DROSHA: variants seen among roughly 807,000 people sequenced by gnomAD.
The protein encoded by DROSHA is drosha ribonuclease III.
A neutral mutation model predicts 181.9 loss-of-function variants in DROSHA; 56 were observed. The ratio of observed to expected loss-of-function variants is 0.31; its 90% CI spans 0.25 to 0.38. DROSHA has a LOEUF of 0.38. DROSHA is among the 10% of genes least tolerant of loss of function. The pLI, the probability that DROSHA is intolerant of heterozygous loss-of-function variation, is 1.00. For synonymous variants in DROSHA, 524 were observed against 591.2 expected (o/e 0.89, Z 1.65); for missense variants, 1,218 against 1,743.5 (o/e 0.70, Z 5.37).
chr5:31,492,320 A>G (rs536171440), intron 13 of DROSHA, among the ~76,000 whole-genome samples: 2 of 152,362 alleles, frequency 1.3e-5, no homozygotes, highest in African/African-American at 4.8e-5. Context: ...GAAAAAAAGA[A>G]TGACAAAAAG....
chr5:31,472,898 A>T (rs150768559), intron 16 of DROSHA, among the ~76,000 whole-genome samples: 95 of 152,380 alleles, frequency 6.2e-4, no homozygotes, highest in African/African-American at 2.2e-3. Context: ...GCATCATTCA[A>T]GTACCTTGGA....
intron 27 of DROSHA, among the ~76,000 whole-genome samples, chr5:31,426,656 A>T (rs1317041664): frequency 6.6e-6 from 1 of 152,184 alleles, no homozygotes; most frequent in Non-Finnish European, 1.5e-5. Context: ...ACATAGGCAC[A>T]AAAAGGTGAT....
intron 28 of DROSHA, among the ~76,000 whole-genome samples, chr5:31,423,885 G>A (rs1743103630): frequency 6.6e-6 from 1 of 152,238 alleles, no homozygotes; most frequent in South Asian, 2.1e-4. Flanking sequence ...ACCATATGTA[G>A]AGCTTTTAAA....
rs1213857959 is a variant in DROSHA at position 31,409,180 on chromosome 5, T to C, written c.3751-21A>G. 6.2e-7 allele frequency: 1 copy of C among 1,612,344 alleles called. No homozygotes were observed. ...AACTCCTGTGGAAGTCCCCCAAAAC[T>C]ATTTAGTAATGGGTTCTGGAATCAC... is the stretch of plus-strand genomic sequence containing the variant. On this transcript the variant is annotated intron_variant, in intron 32 of 35. Transcript: ENST00000344624. The surrounding 1 kb of genome is among the most constrained non-coding windows in gnomAD (Gnocchi z 4.0).
At chr5:31,509,069 C>A (rs1043256599) in intron 9 of DROSHA, among the ~76,000 whole-genome samples, 1 of 152,014 alleles carries the variant, frequency 6.6e-6, no homozygotes, top group Non-Finnish European at 1.5e-5. Flanking sequence ...GTGAAACACC[C>A]GTCTCGGCCT....
intron 11 of DROSHA, among the ~76,000 whole-genome samples, chr5:31,502,904 C>G (rs940454863): frequency 6.6e-6 from 1 of 152,092 alleles, no homozygotes; most frequent in East Asian, 1.9e-4. Context: ...GAGAAGTGGC[C>G]TGAAGTTAGA....
At chr5:31,490,057 G>A (rs1752219834) in intron 13 of DROSHA, among the ~76,000 whole-genome samples, 1 of 151,696 alleles carries the variant, frequency 6.6e-6, no homozygotes, top group South Asian at 2.1e-4. Flanking sequence ...TGTATTTTTG[G>A]TAGAGACAGG....
rs150386919 is a variant in DROSHA at position 31,422,436 on chromosome 5, G to A, written c.3419+351C>T. On this transcript the variant is annotated intron_variant, in intron 29 of 35. Transcript: ENST00000344624. ...CATGTTCACTCATTTGCATTTCATC[G>A]ATGGCTGCTTTGATGCTACTATGGC... 4.7e-4 allele frequency among the ~76,000 whole-genome samples: 71 copies of A among 152,240 alleles called. No individual in the cohort carries two copies. The East Asian group carries it at 0.01, about 22-fold the overall frequency.
At chr5:31,436,716 G>A (rs1363880307) in intron 24 of DROSHA, among the ~76,000 whole-genome samples, 3 of 142,372 alleles carry the variant, frequency 2.1e-5, no homozygotes, top group African/African-American at 7.8e-5. Context: ...TTCAAATTAA[G>A]GATCCTAAAA....
rs1742923387 is a variant in DROSHA, at chr5:31,422,790, G to C, written c.3416C>G (p.Thr1139Ser). The C allele has an allele frequency of 6.2e-7, 1 of 1,613,590 alleles. No individual in the cohort carries two copies. Among genetic ancestry groups the C allele is most frequent in the Non-Finnish European group, 8.5e-7 (1 of 1,179,694 alleles). The change falls in exon 29 of 36, where the codon ACC (threonine) becomes AGC (serine). Residue 1139 changes from threonine to serine, a missense_variant. Physicochemically the swap from Thr to Ser is moderately conservative, Grantham distance 58 (BLOSUM62 1). This residue lies in a region of DROSHA where 23 missense variants were observed against 90.6 expected (regional missense o/e 0.25). Transcript: ENST00000344624. ...TACATGAGAACTTTTAACTCACAGG[G>C]TCAGATGGTTAAATCCCACAGTTCT... ...TLRTVGFNHL[T>S]LGHNQRMEFL...
chr5:31,431,708 A>G (rs769261481), intron 25 of DROSHA, 30 bp from the exon 26 acceptor site: 1 of 1,611,812 alleles, frequency 6.2e-7, no homozygotes, highest in South Asian at 1.1e-5. Flanking sequence ...AAAACGTAAG[A>G]AAGAGTTTGC....
intron 11 of DROSHA, among the ~76,000 whole-genome samples, chr5:31,503,792 C>G (rs1444101831): frequency 6.6e-6 from 1 of 152,224 alleles, no homozygotes; most frequent in Non-Finnish European, 1.5e-5. Flanking sequence ...CCTCGCTACA[C>G]TTGCCAACTT....
chr5:31,465,363 A>G (rs1178146831), intron 19 of DROSHA, among the ~76,000 whole-genome samples: 2 of 152,244 alleles, frequency 1.3e-5, no homozygotes, highest in African/African-American at 4.8e-5. Flanking sequence ...ATGAAACCTT[A>G]CAAAATAAGT....
chr5:31,424,394 A>C (rs1274798174), intron 28 of DROSHA, 33 bp downstream of exon 28: 3 of 1,587,838 alleles, frequency 1.9e-6, no homozygotes, highest in African/African-American at 2.7e-5. Context: ...CTGGAGTTAT[A>C]AAGCTCACTG....
intron 13 of DROSHA, 54 bp from the exon 14 acceptor site, chr5:31,486,616 A>G: frequency 1.3e-6 from 2 of 1,532,546 alleles, no homozygotes; most frequent in Non-Finnish European, 1.8e-6. Context: ...GCAGGCTCAT[A>G]TTATACACGT....
At chr5:31,491,179 C>A in intron 13 of DROSHA, among the ~76,000 whole-genome samples, 1 of 126,056 alleles carries the variant, frequency 7.9e-6, no homozygotes, top group Non-Finnish European at 1.6e-5. Context: ...TTCACTTGTC[C>A]AAGGTTAAAA....
At chr5:31,436,741 AACACACAC>A (rs58046266) in intron 24 of DROSHA, among the ~76,000 whole-genome samples, 14,683 of 137,576 alleles carry the variant, frequency 0.11, 809 homozygotes, top group Admixed American at 0.16. Flanking sequence ...TCTGGAGAGA[AACACACAC>A]ACACACACAC....
rs745599100 is a variant in DROSHA at position 31,466,305 on chromosome 5, T to G, written c.2367-24A>C. 7 of 1,607,878 alleles carry G rather than the reference T, an allele frequency of 4.4e-6. No homozygotes were observed. The South Asian group carries it at 7.7e-5, about 18-fold the overall frequency. ...ACCTAAGGAAAAGGACAGGCAAACA[T>G]CTCAGGTAAAGAGGAGGTAAACCTA... On this transcript the variant is annotated intron_variant, in intron 18 of 35. Transcript: ENST00000344624.
chr5:31,449,543 C>T (rs1417270228), intron 21 of DROSHA, 124 bp from the exon 22 acceptor site: 3 of 1,002,542 alleles, frequency 3.0e-6, no homozygotes, highest in Non-Finnish European at 4.2e-6. Context: ...GCCTGGGCAA[C>T]ACAGTGAGAC....
Sources: allele counts gnomAD v4.1 joint callset (sites outside exome capture counted in the v4.1 genomes callset), GRCh38; gene constraint gnomAD v4.1.1; regional missense constraint gnomAD v4.1.1; non-coding constraint Gnocchi (gnomAD v3.1); transcripts MANE v1.5; gene names NCBI Gene and HGNC (gene_info 2026-07-23, HGNC 2026-07-21).